Variants in TTC29 observed in about 807,000 individuals in gnomAD.
TTC29 encodes tetratricopeptide repeat protein 29.
Under a neutral mutation model 58.1 loss-of-function variants are expected in TTC29, and 49 were observed. The observed-to-expected ratio is 0.84, with a 90% CI of 0.67 to 1.07. The LOEUF is 1.07. Among genes scored for constraint, TTC29 ranks in the 50% least tolerant of loss-of-function variants. The pLI is 0.00. For missense variants in TTC29, 582 were observed against 555.6 expected (o/e 1.05, Z -0.48); for synonymous variants, 209 against 196.8 (o/e 1.06, Z -0.52).
At chr4:146,714,219 T>C (rs1742752183) in intron 11 of TTC29, among the ~76,000 whole-genome samples, 1 of 152,042 alleles carries the variant, frequency 6.6e-6, no homozygotes, top group Non-Finnish European at 1.5e-5. Flanking sequence ...CAATCAAAAC[T>C]GGCCCAGAAC....
At chr4:146,824,860 T>A (rs1392799768) in intron 9 of TTC29, among the ~76,000 whole-genome samples, 1 of 152,188 alleles carries the variant, frequency 6.6e-6, no homozygotes, top group Non-Finnish European at 1.5e-5. Context: ...ATTTATCCAT[T>A]TCTTCTAGAT....
At chr4:146,779,985 C>T (rs1748463547) in intron 11 of TTC29, among the ~76,000 whole-genome samples, 1 of 152,096 alleles carries the variant, frequency 6.6e-6, no homozygotes. Context: ...ATTTCACCTC[C>T]ACCCAATCTT....
In TTC29 at chr4:146,756,733, C is replaced by CT. The variant is rs555088431; in HGVS notation, c.1330+46723dup. Among the ~76,000 whole-genome samples the CT allele has an allele frequency of 9.1e-4, 134 of 147,040 alleles. No individual in the cohort carries two copies. The Middle Eastern group carries it at 0.011, about 12-fold the overall frequency. On this transcript the variant is annotated intron_variant, in intron 11 of 12. Transcript: ENST00000325106. Reference sequence around the variant, plus strand: ...GTCTTTGTTCATGTATTTTTTTATTCTTTTTTTTTTGTCTTTGTTGGGTTG... The same window carrying CT: ...GTCTTTGTTCATGTATTTTTTTATTCTTTTTTTTTTTGTCTTTGTTGGGTTG...
intron 10 of TTC29, among the ~76,000 whole-genome samples, chr4:146,815,295 T>A (rs1579740360): frequency 6.6e-6 from 1 of 152,046 alleles, no homozygotes; most frequent in East Asian, 1.9e-4. Flanking sequence ...TTTGGTAACA[T>A]AAAGGTCAGA....
Position 146,874,805 on chromosome 4 carries a change from T to C in TTC29, c.710A>G (p.Tyr237Cys), listed in dbSNP as rs778040345. 1.2e-6 allele frequency: 2 copies of C among 1,612,854 alleles called. No individual in the cohort carries two copies. ...LLACESLLRT[Y>C]RLLSDKMLEN... The stretch of plus-strand genomic sequence containing the variant: ...TAGCATTTTGTCTGAGAGTAATCTG[T>C]AAGTCCTCAGGAGACTCTCACAGGC... Residue 237 changes from tyrosine to cysteine, a missense_variant, in exon 7 of 13, where the codon TAC becomes TGC. Transcript: ENST00000325106.
At chr4:146,818,970 G>T (rs575626283) in intron 10 of TTC29, among the ~76,000 whole-genome samples, 33 of 151,764 alleles carry the variant, frequency 2.2e-4, no homozygotes, top group South Asian at 1.3e-3. Context: ...CATTAGGAGA[G>T]ATACCTAATG....
At chr4:146,922,611 C>T in intron 4 of TTC29, among the ~76,000 whole-genome samples, 1 of 151,668 alleles carries the variant, frequency 6.6e-6, no homozygotes, top group Admixed American at 6.6e-5. Flanking sequence ...TAGGTGCTAT[C>T]ATTTTAATCT....
intron 7 of TTC29, among the ~76,000 whole-genome samples, chr4:146,871,710 T>C (rs1730941733): frequency 6.6e-6 from 1 of 151,586 alleles, no homozygotes; most frequent in Admixed American, 6.6e-5. Context: ...AAGAAGGCAG[T>C]ACATATACAC....
chr4:146,856,475 A>C lies in TTC29; in HGVS notation c.885+11023T>G, dbSNP rs1462153214. Among the ~76,000 whole-genome samples the C allele has an allele frequency of 1.5e-4, 23 of 152,052 alleles. 1 individual carries two copies. The East Asian group carries it at 3.7e-3, about 24-fold the overall frequency. ...CAAACTTTCTTTCCTGACATAAAACATTTCTTTATTTGTAGGAAAGTTTGT... is the reference window on the plus strand; with the variant it reads ...CAAACTTTCTTTCCTGACATAAAACCTTTCTTTATTTGTAGGAAAGTTTGT... On this transcript the variant is annotated intron_variant, in intron 8 of 12. Transcript: ENST00000325106.
intron 2 of TTC29, chr4:146,944,139 G>C (rs964357344): frequency 6.6e-6 from 1 of 152,284 alleles, no homozygotes; most frequent in Admixed American, 6.5e-5. Flanking sequence ...AGGAGCTCAG[G>C]CTGAATCAGC....
At chr4:146,799,319 C>T (rs761037456) in intron 11 of TTC29, among the ~76,000 whole-genome samples, 2 of 152,172 alleles carry the variant, frequency 1.3e-5, no homozygotes, top group African/African-American at 2.4e-5. Context: ...AAGTTAATAA[C>T]CAACAGAAGT....
chr4:146,719,350 G>A (rs1464629734), intron 11 of TTC29, among the ~76,000 whole-genome samples: 2 of 152,076 alleles, frequency 1.3e-5, no homozygotes, highest in Non-Finnish European at 2.9e-5. Context: ...GAAACAAAAG[G>A]TTGGAGAGAT....
intron 12 of TTC29, 63 bp from the exon 13 acceptor site, chr4:146,707,251 T>C: frequency 8.6e-7 from 1 of 1,163,976 alleles, no homozygotes; most frequent in South Asian, 1.7e-5. Flanking sequence ...GAACATTTGT[T>C]TTGAAAAATA....
intron 11 of TTC29, among the ~76,000 whole-genome samples, chr4:146,712,148 G>A (rs149822978): frequency 1.7e-3 from 256 of 152,036 alleles, no homozygotes; most frequent in African/African-American, 6.0e-3. Flanking sequence ...TATAAACCCA[G>A]AATCCCATTA....
rs146107794 is a variant in TTC29, at chr4:146,821,478, C to G, written c.978-1230G>C. On this transcript the variant is annotated intron_variant, in intron 9 of 12. Coordinates refer to ENST00000325106, the MANE Select transcript of TTC29 (RefSeq NM_031956.4). ...AAAGTTTATAAAAGGCGAATACTAGCTTACTCTTGAAAGCTTTCATTGGTA... is the reference window on the plus strand; with the variant it reads ...AAAGTTTATAAAAGGCGAATACTAGGTTACTCTTGAAAGCTTTCATTGGTA... 4.0e-3 allele frequency among the ~76,000 whole-genome samples: 609 copies of G among 152,202 alleles called. 2 individuals are homozygous for G. Among genetic ancestry groups the G allele is most frequent in the Non-Finnish European group, 6.0e-3 (411 of 68,022 alleles).
intron 10 of TTC29, among the ~76,000 whole-genome samples, chr4:146,813,738 C>A (rs1374746177): frequency 1.3e-5 from 2 of 152,134 alleles, no homozygotes; most frequent in Non-Finnish European, 2.9e-5. Flanking sequence ...GTAGCCAGCA[C>A]TTTGGGAGGC....
At chr4:146,850,817 A>AT (rs2150183025) in intron 8 of TTC29, among the ~76,000 whole-genome samples, 1 of 152,346 alleles carries the variant, frequency 6.6e-6, no homozygotes, top group African/African-American at 2.4e-5. Flanking sequence ...TATCTATGAT[A>AT]TTATAAACTT....
chr4:146,761,774 G>T (rs977130101), intron 11 of TTC29, among the ~76,000 whole-genome samples: 1 of 151,144 alleles, frequency 6.6e-6, no homozygotes, highest in South Asian at 2.1e-4. Flanking sequence ...ATGTCTCTGG[G>T]CTCAAAACCA....
At chr4:146,728,884 T>C (rs1489817786) in intron 11 of TTC29, among the ~76,000 whole-genome samples, 1 of 31,678 alleles carries the variant, frequency 3.2e-5, no homozygotes, top group Non-Finnish European at 8.4e-5. Context: ...TGTATATATA[T>C]ATGTGTGTAT....
Sources: gnomAD v4.1 joint callset for allele counts (sites outside exome capture counted in the v4.1 genomes callset) on GRCh38, gnomAD v4.1.1 for gene constraint, MANE v1.5 for transcripts, NCBI Gene and HGNC (gene_info 2026-07-23, HGNC 2026-07-21) for gene names.